The following HS3ST4 variants were observed in gnomAD, a reference collection of about 807,000 sequenced individuals.
The protein encoded by HS3ST4 is heparan sulfate glucosamine 3-O-sulfotransferase 4.
HS3ST4 carries 17 observed loss-of-function variants against 29.2 expected under a neutral mutation model. That is an observed-to-expected ratio of 0.58 (90% CI 0.40 to 0.87). The LOEUF (loss-of-function observed/expected upper bound fraction) is 0.87. Among genes scored for constraint, HS3ST4 ranks in the 40% least tolerant of loss-of-function variants. The pLI is 0.00. For synonymous variants in HS3ST4, 314 were observed against 285.7 expected, an observed-to-expected ratio of 1.10 and a Z score of -1.00; for missense variants, 627 against 634.5, an observed-to-expected ratio of 0.99 and a Z score of 0.13.
At chr16:26,014,450 A>C (rs571515684) in intron 1 of HS3ST4, among the ~76,000 whole-genome samples, 12 of 152,196 alleles carry the variant, frequency 7.9e-5, no homozygotes, top group Non-Finnish European at 2.9e-5. Context: ...CCAGGTTATA[A>C]GCATAGTACC....
intron 1 of HS3ST4, among the ~76,000 whole-genome samples, chr16:26,075,133 C>T (rs1898646587): frequency 6.6e-6 from 1 of 152,136 alleles, no homozygotes; most frequent in African/African-American, 2.4e-5. Context: ...GCAGAGGTTG[C>T]AGTGAGCCGA....
At chr16:25,751,997 CTT>C (rs59480781) in intron 1 of HS3ST4, among the ~76,000 whole-genome samples, 120 of 148,836 alleles carry the variant, frequency 8.1e-4, no homozygotes, top group Middle Eastern at 6.9e-3. Flanking sequence ...TTCCATTTCC[CTT>C]TTTTTTTTTC....
At chr16:25,860,967 G>T (rs1596594104) in intron 1 of HS3ST4, among the ~76,000 whole-genome samples, 1 of 152,158 alleles carries the variant, frequency 6.6e-6, no homozygotes, top group Non-Finnish European at 1.5e-5. Flanking sequence ...TGTGGAGGGG[G>T]ACGGGGAGGA....
intron 1 of HS3ST4, among the ~76,000 whole-genome samples, chr16:25,943,810 A>T (rs1280610209): frequency 1.3e-5 from 2 of 152,128 alleles, no homozygotes; most frequent in Admixed American, 6.5e-5. Context: ...CAACGTGGTG[A>T]GATTTAAGAA....
At chr16:25,829,068 T>A (rs184055839) in intron 1 of HS3ST4, among the ~76,000 whole-genome samples, 1 of 152,340 alleles carries the variant, frequency 6.6e-6, no homozygotes, top group Admixed American at 6.5e-5. Context: ...TTATCTTTAT[T>A]ACTGACCAAG....
intron 1 of HS3ST4, among the ~76,000 whole-genome samples, chr16:25,920,365 C>T (rs1311550679): frequency 6.6e-6 from 1 of 152,060 alleles, no homozygotes. Context: ...ATTATCATAC[C>T]CTACGGGGCC....
rs1219560142 is a variant in HS3ST4, at chr16:25,840,970, GTTTGTTTATTTATTTATTTA to G, written c.734+147823_734+147842del. 5.9e-3 allele frequency among the ~76,000 whole-genome samples: 759 copies of G among 129,230 alleles called. 4 individuals carry two copies. The highest frequency in any genetic ancestry group is 7.8e-3 in the Non-Finnish European group (475 of 61,064). 84.8% of individuals were successfully genotyped at this position (129,230 alleles called of 152,430 possible). On this transcript the variant is annotated intron_variant, in intron 1 of 1. Coordinates refer to ENST00000331351, the MANE Select transcript of HS3ST4 (RefSeq NM_006040.3). ...ATTTACTTTACTTTAATTTATATTT[GTTTGTTTATTTATTTATTTA>G]TTTATTTATTTATTTATTTATTTAT... is the stretch of plus-strand genomic sequence containing the variant.
At chr16:26,021,224 G>T (rs1969409749) in intron 1 of HS3ST4, among the ~76,000 whole-genome samples, 1 of 152,152 alleles carries the variant, frequency 6.6e-6, no homozygotes, top group Admixed American at 6.5e-5. Flanking sequence ...AAAGGAGTTT[G>T]TTGTCAATTT....
chr16:25,790,718 T>C (rs1473446454), intron 1 of HS3ST4, among the ~76,000 whole-genome samples: 1 of 152,202 alleles, frequency 6.6e-6, no homozygotes, highest in African/African-American at 2.4e-5. Flanking sequence ...TTTTAAAGTG[T>C]TTTGCCCATT....
intron 1 of HS3ST4, among the ~76,000 whole-genome samples, chr16:25,916,671 T>A (rs1023718773): frequency 4.0e-5 from 6 of 148,458 alleles, no homozygotes; most frequent in African/African-American, 1.5e-4. Context: ...CTCAAATGCA[T>A]TCTTTTTTTT....
intron 1 of HS3ST4, among the ~76,000 whole-genome samples, chr16:25,828,794 G>C (rs1187048775): frequency 6.6e-6 from 1 of 152,182 alleles, no homozygotes; most frequent in African/African-American, 2.4e-5. Context: ...AGTTTGCTTA[G>C]GGTAATGGCC....
chr16:26,035,287 T>C (rs1376709605), intron 1 of HS3ST4, among the ~76,000 whole-genome samples: 2 of 152,230 alleles, frequency 1.3e-5, no homozygotes, highest in African/African-American at 2.4e-5. Flanking sequence ...CTCTCACTTA[T>C]ATTTTGTACG....
chr16:25,769,406 G>A (rs928496018), intron 1 of HS3ST4, among the ~76,000 whole-genome samples: 3 of 152,156 alleles, frequency 2.0e-5, no homozygotes, highest in Admixed American at 2.0e-4. Context: ...GTAGTCCGTA[G>A]CTAACAGGGC....
intron 1 of HS3ST4, among the ~76,000 whole-genome samples, chr16:25,903,490 G>A (rs1596609095): frequency 1.3e-5 from 2 of 151,584 alleles, no homozygotes; most frequent in South Asian, 4.2e-4. Context: ...TATTGATATG[G>A]GTATGGTTAA....
At chr16:25,865,616 G>T (rs1967686187) in intron 1 of HS3ST4, among the ~76,000 whole-genome samples, 1 of 152,134 alleles carries the variant, frequency 6.6e-6, no homozygotes, top group Non-Finnish European at 1.5e-5. Flanking sequence ...ACTGGGCATA[G>T]AAACAGACAT....
chr16:25,775,356 C>T (rs1211834367), intron 1 of HS3ST4, among the ~76,000 whole-genome samples: 2 of 152,182 alleles, frequency 1.3e-5, no homozygotes, highest in East Asian at 3.8e-4. Flanking sequence ...TGCTCTGTGG[C>T]TGAAGGGACA....
chr16:26,048,550 C>CT (rs1898296635), intron 1 of HS3ST4, among the ~76,000 whole-genome samples: 1 of 152,210 alleles, frequency 6.6e-6, no homozygotes, highest in Non-Finnish European at 1.5e-5. Flanking sequence ...GGTGCAGTGG[C>CT]TCATGCCTAG....
rs185094828 is a variant in HS3ST4 at position 26,124,948 on chromosome 16, T to C, written c.735-10664T>C. ...TTGTCTTTTCTTATGTCTCTGGACA[T>C]AAAGTTTGAGGAACTTGCCCCATGG... On this transcript the variant is annotated intron_variant, in intron 1 of 1. Coordinates refer to ENST00000331351, the MANE Select transcript of HS3ST4 (RefSeq NM_006040.3). 2.6e-5 allele frequency among the ~76,000 whole-genome samples: 4 copies of C among 152,378 alleles called. No individual in the cohort carries two copies. In the East Asian group the frequency reaches 7.7e-4, roughly 29 times the overall value.
intron 1 of HS3ST4, among the ~76,000 whole-genome samples, chr16:26,017,205 A>G (rs1969370623): frequency 6.6e-6 from 1 of 152,236 alleles, no homozygotes; most frequent in South Asian, 2.1e-4. Context: ...TTTATAACAA[A>G]ATCCTAAAAC....
Sources: allele counts gnomAD v4.1 joint callset (sites outside exome capture counted in the v4.1 genomes callset), GRCh38; gene constraint gnomAD v4.1.1; transcripts MANE v1.5; gene names NCBI Gene and HGNC (gene_info 2026-07-23, HGNC 2026-07-21).